CBX2: variants seen among roughly 807,000 people sequenced by gnomAD.
The protein encoded by CBX2 is chromobox protein homolog 2.
In CBX2, 11 loss-of-function variants were observed where a neutral mutation model predicts 21.0. The ratio of observed to expected loss-of-function variants is 0.52; its 90% CI spans 0.33 to 0.87. The LOEUF is 0.87. Ranked by LOEUF, CBX2 falls within the 40% of genes least tolerant of loss-of-function variation. The probability of loss-of-function intolerance (pLI) is 0.02; values close to 1 mark genes in which losing one functional copy is unlikely to be tolerated. For synonymous variants in CBX2, 364 were observed against 304.6 expected, an observed-to-expected ratio of 1.19 and a Z score of -2.03; for missense variants, 746 against 724.3, an observed-to-expected ratio of 1.03 and a Z score of -0.34.
chr17:79,777,728 G>A (rs1906820671), upstream of CBX2, among the ~76,000 whole-genome samples: 1 of 152,102 alleles, frequency 6.6e-6, no homozygotes, highest in Non-Finnish European at 1.5e-5. Context: ...GCCCCTCGAA[G>A]GCGGGGGCAG....
At chr17:79,782,175 G>A in intron 4 of CBX2, 2 of 1,612,522 alleles carry the variant, frequency 1.2e-6, no homozygotes, top group African/African-American at 1.3e-5. Flanking sequence ...CCGGCTGGAT[G>A]TGACTCAAAA....
chr17:79,784,491 G>C lies in CBX2; in HGVS notation c.1048G>C (p.Glu350Gln), dbSNP rs781821893. 1.1e-5 allele frequency: 18 copies of C among 1,612,624 alleles called. No individual in the cohort carries two copies. The highest frequency in any genetic ancestry group is 2.5e-6 in the Non-Finnish European group (3 of 1,179,922). Residue 350 changes from glutamate (E) to glutamine (Q), a missense_variant, in exon 5 of 5, where the codon GAG becomes CAG. Glu to Gln is a conservative substitution (Grantham distance 29). Around this residue, in one of 2 missense-constraint regions of CBX2, gnomAD observed 701 missense variants for 650.7 expected, o/e 1.08. Transcript: ENST00000310942. The surrounding 1 kb of genome is among the most constrained non-coding windows in gnomAD (Gnocchi z 5.9). ...CPGPQPAPTQ[E>Q]LSLQVLDLQS... ...AGGCCCCCAGCCAGCACCCACCCAG[G>C]AGCTGAGCCTCCAGGTCTTGGACTT...
In CBX2 at chr17:79,781,115, G is replaced by A. The variant is rs548069277; in HGVS notation, c.183-581G>A. ...TTGAGCCTTGCCTGCCTCAGACCTC[G>A]GCACCTCTGTCATCTCCCTCAAGAG... On this transcript the variant is annotated intron_variant, in intron 3 of 4. Transcript: ENST00000310942. Among the ~76,000 whole-genome samples the A allele has an allele frequency of 3.3e-5, 5 of 152,176 alleles. No homozygotes were observed. The South Asian group carries it at 6.2e-4, about 19-fold the overall frequency.
In CBX2 at chr17:79,784,764, G is replaced by C; in HGVS notation, c.1321G>C (p.Glu441Gln). Residue 441 changes from glutamate (E) to glutamine (Q), a missense_variant, in exon 5 of 5, where the codon GAG becomes CAG. By Grantham distance (29) the Glu-to-Gln change is conservative. Transcript: ENST00000310942. This position sits in a 1 kb window ranked among gnomAD's most constrained non-coding sequence, Gnocchi z 5.9. ...VKGSATPSGQ[E>Q]SRTAPGEARK... ...GGGCAGTGCTACCCCCAGTGGGCAG[G>C]AGAGCCGCACAGCCCCCGGAGAAGC... is the stretch of plus-strand genomic sequence containing the variant. 1 of 1,610,824 alleles carries C rather than the reference G, an allele frequency of 6.2e-7. No individual in the cohort carries two copies. The highest frequency in any genetic ancestry group is 8.5e-7 in the Non-Finnish European group (1 of 1,179,034).
chr17:79,778,221 T>G lies in CBX2; in HGVS notation c.-15T>G. On this transcript the variant is annotated 5_prime_UTR_variant, in exon 1 of 5. Transcript: ENST00000310942. The surrounding 1 kb of genome is among the most constrained non-coding windows in gnomAD (Gnocchi z 4.8). The stretch of plus-strand genomic sequence containing the variant: ...CTGGCGGCGGGCGCCGCGGTCGGGC[T>G]GGCTGCCGGGCAGCATGGAGGAGCT... The G allele has an allele frequency of 7.4e-7, 1 of 1,357,168 alleles. No homozygotes were observed. The highest frequency in any genetic ancestry group is 9.5e-7 in the Non-Finnish European group (1 of 1,050,592). The allele number at this position is 1,357,168 out of a possible 1,614,324, so 84.1% of individuals were successfully genotyped here. A position where few individuals can be genotyped will look rare whatever the true frequency, so the allele number is the denominator to read the frequency against.
rs782527772 is a variant in CBX2, at chr17:79,784,025, G to T, written c.582G>T (p.Gly194=). The part of the protein sequence containing the change: ...KVLKTARKDL[G]APASKLPPPL... ...TGAAGACCGCCCGGAAGGATCTGGG[G>T]GCCCCGGCCAGCAAGCTGCCCCCTC... The change falls in exon 5 of 5, where the codon GGG becomes GGT. Residue 194 remains glycine (G), a synonymous_variant. Coordinates refer to ENST00000310942, the MANE Select transcript of CBX2 (RefSeq NM_005189.3). This position sits in a 1 kb window ranked among gnomAD's most constrained non-coding sequence, Gnocchi z 5.9. 12 of 1,613,032 alleles carry T rather than the reference G, an allele frequency of 7.4e-6. No homozygotes were observed. The highest frequency in any genetic ancestry group is 1.7e-5 in the Admixed American group (1 of 60,028).
Position 79,787,269 on chromosome 17 carries a change from G to A in CBX2, c.*2227G>A, listed in dbSNP as rs782419882. The A allele has an allele frequency of 5.2e-5, 8 of 152,750 alleles. No individual in the cohort carries two copies. The highest frequency in any genetic ancestry group is 8.8e-5 in the Non-Finnish European group (6 of 68,080). The allele number at this position is 152,750 out of a possible 1,614,324, so 9.5% of individuals were successfully genotyped here. On this transcript the variant is annotated 3_prime_UTR_variant, in exon 5 of 5. Transcript: ENST00000310942. ...CCTTGGGGTGACTCGGCTTCCAGGA[G>A]CTGTTGGAGAAATGAGGATGTCTGT...
upstream of CBX2, chr17:79,778,015 G>GC (rs1906853220): frequency 7.0e-6 from 1 of 143,748 alleles, no homozygotes; most frequent in Non-Finnish European, 1.5e-5. This position sits in a 1 kb window ranked among gnomAD's most constrained non-coding sequence, Gnocchi z 4.8. Context: ...GCCCCGCCCC[G>GC]CCCCGCACCC....
At position 79,778,629 on chromosome 17, in the gene CBX2, G is replaced by C. The variant is rs530703229; in HGVS notation, c.116+202G>C. Among the ~76,000 whole-genome samples, 2 of 151,668 alleles carry C rather than the reference G, an allele frequency of 1.3e-5. No homozygotes were observed. Among genetic ancestry groups the C allele is most frequent in the East Asian group, 3.9e-4 (2 of 5,088 alleles). On this transcript the variant is annotated intron_variant, in intron 2 of 4. Transcript: ENST00000310942. The surrounding 1 kb of genome is among the most constrained non-coding windows in gnomAD (Gnocchi z 4.8). ...GTTGCCCTTTGTTTACACGCCCGCG[G>C]GTGCAGAGCTGGGCGGCCCCCCGCG...
intron 3 of CBX2, chr17:79,779,651 C>G: frequency 1.7e-6 from 1 of 583,972 alleles, no homozygotes; most frequent in Non-Finnish European, 3.1e-6. Flanking sequence ...CTGAGAAGAA[C>G]CTAAGTAAGT....
rs1907422287 is a variant in CBX2, at chr17:79,783,905, C to T, written c.462C>T (p.Pro154=). 10 of 1,614,058 alleles carry T rather than the reference C, an allele frequency of 6.2e-6. No homozygotes were observed. The highest frequency in any genetic ancestry group is 8.5e-6 in the Non-Finnish European group (10 of 1,180,034). ...QKKAQILVAK[P]ELKDPIRKKR... is the part of the protein sequence containing the mutation. ...AGGCCCAGATCCTGGTGGCCAAACC[C>T]GAGCTGAAGGATCCCATCCGGAAGA... Residue 154 remains proline (P), a synonymous_variant, in exon 5 of 5, where the codon CCC becomes CCT. Coordinates refer to ENST00000310942, the MANE Select transcript of CBX2 (RefSeq NM_005189.3).
Position 79,778,336 on chromosome 17 carries a change from C to A in CBX2, c.72+29C>A. 1 of 1,569,552 alleles carries A rather than the reference C, an allele frequency of 6.4e-7. No individual in the cohort carries two copies. Among genetic ancestry groups the A allele is most frequent in the South Asian group, 1.2e-5 (1 of 86,880 alleles). The stretch of plus-strand genomic sequence containing the variant: ...CGTGCGGCCCGCCGGGCCCCCCGCC[C>A]GCCGCCCGCTGTCCGTCTGGCTCAC... On this transcript the variant is annotated intron_variant, in intron 1 of 4. Transcript: ENST00000310942. The surrounding 1 kb of genome is among the most constrained non-coding windows in gnomAD (Gnocchi z 4.8).
chr17:79,784,246 C>G lies in CBX2; in HGVS notation c.803C>G (p.Ala268Gly), dbSNP rs1568502354. 6.2e-7 allele frequency: 1 copy of G among 1,612,994 alleles called. No individual in the cohort carries two copies. Among genetic ancestry groups the G allele is most frequent in the South Asian group, 1.1e-5 (1 of 91,082 alleles). ...ATGAACCGGATGACCCAGAGCCAGGCCCAGGCTGCCAGCAGGTTGGCGCTG... is the reference window on the plus strand; with the variant it reads ...ATGAACCGGATGACCCAGAGCCAGGGCCAGGCTGCCAGCAGGTTGGCGCTG... ...HYMNRMTQSQAQAASRLALKA... is the reference protein window; with the variant it reads ...HYMNRMTQSQGQAASRLALKA... Residue 268 changes from alanine (A) to glycine (G), a missense_variant, in exon 5 of 5, where the codon GCC becomes GGC. Physicochemically the swap from Ala to Gly is moderately conservative, Grantham distance 60. Coordinates refer to ENST00000310942, the MANE Select transcript of CBX2 (RefSeq NM_005189.3). This position sits in a 1 kb window ranked among gnomAD's most constrained non-coding sequence, Gnocchi z 5.9.
intron 3 of CBX2, chr17:79,779,736 C>T (rs1907030244): frequency 2.4e-6 from 1 of 418,568 alleles, no homozygotes; most frequent in Non-Finnish European, 4.5e-6. Context: ...GATGTTATAG[C>T]TTCTCTTGGC....
intron 4 of CBX2, chr17:79,782,289 G>T: frequency 6.5e-7 from 1 of 1,532,996 alleles, no homozygotes; most frequent in South Asian, 1.2e-5. Flanking sequence ...TGCCAGGAGG[G>T]GCCTTGGAGG....
In CBX2 at chr17:79,785,146, G is replaced by T; in HGVS notation, c.*104G>T. 1 of 1,018,612 alleles carries T rather than the reference G, an allele frequency of 9.8e-7. No individual in the cohort carries two copies. The highest frequency in any genetic ancestry group is 1.5e-6 in the Non-Finnish European group (1 of 669,690). 63.1% of individuals were successfully genotyped at this position (1,018,612 alleles called of 1,614,324 possible). On this transcript the variant is annotated 3_prime_UTR_variant, in exon 5 of 5. Transcript: ENST00000310942. The stretch of plus-strand genomic sequence containing the variant: ...AAGCCCCCTCAAGAGTCTGGGTCGG[G>T]GGAGGAGGAGTGGGTGGCCTCCTTG...
intron 3 of CBX2, among the ~76,000 whole-genome samples, chr17:79,780,363 G>A (rs1308623176): frequency 6.6e-6 from 1 of 152,250 alleles, no homozygotes; most frequent in African/African-American, 2.4e-5. Flanking sequence ...ATGATAATGG[G>A]GAAATAGAGT....
rs4619435 is a variant in CBX2, at chr17:79,785,664, C to T, written c.*622C>T. The T allele has an allele frequency of 6.4e-6, 1 of 156,962 alleles. No homozygotes were observed. The highest frequency in any genetic ancestry group is 1.9e-4 in the South Asian group (1 of 5,152). The allele number at this position is 156,962 out of a possible 1,614,324, so 9.7% of individuals were successfully genotyped here. A position where few individuals can be genotyped will look rare whatever the true frequency, so the allele number is the denominator to read the frequency against. On this transcript the variant is annotated 3_prime_UTR_variant, in exon 5 of 5. Transcript: ENST00000310942. ...TTGACAGGTGGGGGCTGGCTGGGGC[C>T]TTAATGTGAAAAGACAGTGGCAGGC...
rs782313701 is a variant in CBX2, at chr17:79,778,434, C to T, written c.116+7C>T. 8 of 1,535,552 alleles carry T rather than the reference C, an allele frequency of 5.2e-6. No homozygotes were observed. The South Asian group carries it at 8.3e-5, about 16-fold the overall frequency. Reference sequence around the variant, plus strand: ...GGCGCGGCTGGTCCTCCAAGTGAGTCCCCCGCGACGCCGCGCCCCCCTCCC... The same window carrying T: ...GGCGCGGCTGGTCCTCCAAGTGAGTTCCCCGCGACGCCGCGCCCCCCTCCC... On this transcript the variant is annotated splice_region_variant and intron_variant, in intron 2 of 4. Coordinates refer to ENST00000310942, the MANE Select transcript of CBX2 (RefSeq NM_005189.3). The surrounding 1 kb of genome is among the most constrained non-coding windows in gnomAD (Gnocchi z 4.8).
Sources: allele counts gnomAD v4.1 joint callset (sites outside exome capture counted in the v4.1 genomes callset), GRCh38; gene constraint gnomAD v4.1.1; regional missense constraint gnomAD v4.1.1; non-coding constraint Gnocchi (gnomAD v3.1); transcripts MANE v1.5; gene names NCBI Gene and HGNC (gene_info 2026-07-23, HGNC 2026-07-21).